Variants in TAS2R1 observed in about 807,000 individuals in gnomAD.
TAS2R1 encodes taste 2 receptor member 1.
For missense variants in TAS2R1, 370 were observed against 353.4 expected (o/e 1.05, Z -0.38); for synonymous variants, 141 against 134.2 (o/e 1.05, Z -0.35).
At chr5:9,647,192 G>T (rs527259921) in intron 2 of TAS2R1, among the ~76,000 whole-genome samples, 3 of 152,228 alleles carry the variant, frequency 2.0e-5, no homozygotes, top group Admixed American at 6.5e-5. Context: ...GATTATTTGT[G>T]CCAACTCCTT....
chr5:9,824,877 G>C, the TAS2R1 span, among the ~76,000 whole-genome samples: 11 of 148,778 alleles, frequency 7.4e-5, no homozygotes, highest in African/African-American at 2.7e-4. Flanking sequence ...GGAAGAGAAA[G>C]GAAAAGGGAA....
At chr5:9,838,423 G>A in the TAS2R1 span, among the ~76,000 whole-genome samples, 1 of 152,122 alleles carries the variant, frequency 6.6e-6, no homozygotes, top group Non-Finnish European at 1.5e-5. Flanking sequence ...CACCCAATCT[G>A]AACATCTGCC....
chr5:9,693,347 T>C (rs1741287721), intron 1 of TAS2R1, among the ~76,000 whole-genome samples: 1 of 151,758 alleles, frequency 6.6e-6, no homozygotes, highest in South Asian at 2.1e-4. Flanking sequence ...AAATACAAAA[T>C]TTTTAGTTCT....
chr5:9,783,116 C>G, the TAS2R1 span, among the ~76,000 whole-genome samples: 1 of 152,188 alleles, frequency 6.6e-6, no homozygotes, highest in Non-Finnish European at 1.5e-5. Context: ...CCTTGCCTTA[C>G]TCTATTGGCT....
rs573524164 is a variant in TAS2R1, at chr5:9,710,742, T to G, written c.-242+1430A>C. ...AATTTGCAATGGATTGCAATAAATA[T>G]TCCTCCAAAGAATACATACAAATGG... On this transcript the variant is annotated intron_variant, in intron 1 of 2. Coordinates refer to the TAS2R1 transcript ENST00000506620. Among the ~76,000 whole-genome samples the G allele has an allele frequency of 2.6e-5, 4 of 151,648 alleles. No individual in the cohort carries two copies. In the East Asian group the frequency reaches 7.7e-4, roughly 29 times the overall value.
the TAS2R1 span, among the ~76,000 whole-genome samples, chr5:9,724,204 A>G: frequency 6.6e-6 from 1 of 152,198 alleles, no homozygotes; most frequent in African/African-American, 2.4e-5. Flanking sequence ...TTAGGCCAAG[A>G]ACCATATTTG....
the TAS2R1 span, among the ~76,000 whole-genome samples, chr5:9,826,520 T>A: frequency 1.3e-5 from 2 of 152,298 alleles, no homozygotes; most frequent in African/African-American, 4.8e-5. Flanking sequence ...TACAAATAGG[T>A]ACATAAGAAG....
chr5:9,837,454 A>G, the TAS2R1 span, among the ~76,000 whole-genome samples: 1 of 152,254 alleles, frequency 6.6e-6, no homozygotes, highest in Non-Finnish European at 1.5e-5. Flanking sequence ...TGCTCGGAGC[A>G]TGCCTTGGAA....
chr5:9,859,917 T>G, the TAS2R1 span, among the ~76,000 whole-genome samples: 1 of 152,154 alleles, frequency 6.6e-6, no homozygotes, highest in Non-Finnish European at 1.5e-5. Context: ...AAAACAGCAA[T>G]GTAAGGAGCT....
intron 1 of TAS2R1, among the ~76,000 whole-genome samples, chr5:9,695,042 T>C (rs554359145): frequency 1.4e-3 from 213 of 152,318 alleles, no homozygotes; most frequent in African/African-American, 5.0e-3. Context: ...ACTGTTTACC[T>C]GCTGTGGGAC....
the TAS2R1 span, among the ~76,000 whole-genome samples, chr5:9,797,382 T>C: frequency 2.6e-5 from 4 of 152,160 alleles, no homozygotes; most frequent in Admixed American, 2.0e-4. Flanking sequence ...CTTTATAGCA[T>C]GTGGGGTACT....
the TAS2R1 span, chr5:9,765,567 A>T: frequency 1.1e-4 from 17 of 151,988 alleles, no homozygotes; most frequent in East Asian, 3.3e-3. Context: ...CAGGCATGGG[A>T]AGCTCACACC....
chr5:9,767,662 T>C, the TAS2R1 span, among the ~76,000 whole-genome samples: 1 of 151,998 alleles, frequency 6.6e-6, no homozygotes, highest in Non-Finnish European at 1.5e-5. Context: ...GGGCGTGGTG[T>C]CTCACGCCTG....
chr5:9,894,498 C>T, the TAS2R1 span, among the ~76,000 whole-genome samples: 2 of 152,122 alleles, frequency 1.3e-5, no homozygotes, highest in African/African-American at 4.8e-5. Context: ...GAGGACATGG[C>T]GAGAGGCCAG....
At chr5:9,840,876 T>TAA in the TAS2R1 span, among the ~76,000 whole-genome samples, 1 of 72,948 alleles carries the variant, frequency 1.4e-5, no homozygotes, top group Admixed American at 1.4e-4. Context: ...TTTTTTTTTT[T>TAA]TTTTTTTTTT....
intron 1 of TAS2R1, among the ~76,000 whole-genome samples, chr5:9,672,046 C>A (rs1579777258): frequency 6.6e-6 from 1 of 152,066 alleles, no homozygotes; most frequent in Non-Finnish European, 1.5e-5. Context: ...AGGGGAAGGA[C>A]TCCCTATTCA....
At chr5:9,723,680 GC>G in the TAS2R1 span, among the ~76,000 whole-genome samples, 1 of 152,360 alleles carries the variant, frequency 6.6e-6, no homozygotes, top group Admixed American at 6.5e-5. Context: ...AACTCAGCTG[GC>G]CCCACTGGCC....
intron 1 of TAS2R1, among the ~76,000 whole-genome samples, chr5:9,673,143 G>C (rs879674606): frequency 5.3e-5 from 8 of 151,974 alleles, no homozygotes; most frequent in Non-Finnish European, 1.2e-4. Context: ...GCCTACTTAA[G>C]GGTGGATGGT....
At chr5:9,825,436 A>G in the TAS2R1 span, among the ~76,000 whole-genome samples, 1 of 152,176 alleles carries the variant, frequency 6.6e-6, no homozygotes, top group African/African-American at 2.4e-5. Context: ...CCGTGATTCA[A>G]TTATCTCCCA....
Sources: gnomAD v4.1 joint callset for allele counts (sites outside exome capture counted in the v4.1 genomes callset) on GRCh38, gnomAD v4.1.1 for gene constraint, MANE v1.5 for transcripts, NCBI Gene and HGNC (gene_info 2026-07-23, HGNC 2026-07-21) for gene names.